The following RARB variants were observed in gnomAD, a reference collection of about 807,000 sequenced individuals.
The protein encoded by RARB is HBV-activated protein.
In RARB, 17 loss-of-function variants were observed where a neutral mutation model predicts 51.9. The ratio of observed to expected loss-of-function variants is 0.33; its 90% CI spans 0.22 to 0.49. The LOEUF is 0.49. Ranked by LOEUF, RARB falls within the 20% of genes least tolerant of loss-of-function variation. The pLI, the probability that RARB is intolerant of heterozygous loss-of-function variation, is 0.99. For missense variants in RARB, 369 were observed against 550.8 expected (o/e 0.67, Z 3.30); for synonymous variants, 215 against 195.4 (o/e 1.10, Z -0.84).
intron 3 of RARB, among the ~76,000 whole-genome samples, chr3:25,527,525 G>T (rs1048069565): frequency 1.3e-5 from 2 of 152,192 alleles, no homozygotes; most frequent in Non-Finnish European, 2.9e-5. Flanking sequence ...CAAATTGTCT[G>T]TGAACTGGAG....
chr3:25,194,308 A>C (rs1242326584), intron 5 of RARB, among the ~76,000 whole-genome samples: 1 of 151,822 alleles, frequency 6.6e-6, no homozygotes, highest in African/African-American at 2.4e-5. Flanking sequence ...CTAGAGAACT[A>C]ATGTACTGCA....
intron 7 of RARB, among the ~76,000 whole-genome samples, chr3:25,595,498 A>C (rs1701784946): frequency 6.6e-6 from 1 of 152,224 alleles, no homozygotes; most frequent in Non-Finnish European, 1.5e-5. Context: ...GAGTAGAAGT[A>C]AACAGCAGAT....
At chr3:25,355,904 A>G (rs936349238) in intron 5 of RARB, among the ~76,000 whole-genome samples, 13 of 152,258 alleles carry the variant, frequency 8.5e-5, no homozygotes, top group Admixed American at 3.3e-4. Context: ...ATGCGTCTAT[A>G]ATGAACTTAG....
intron 5 of RARB, among the ~76,000 whole-genome samples, chr3:25,258,214 A>G (rs1003260622): frequency 7.2e-5 from 11 of 152,078 alleles, no homozygotes; most frequent in African/African-American, 2.7e-4. Context: ...CCATGTTTCT[A>G]TGTGGCACTA....
chr3:25,471,869 G>C (rs1053607932), intron 2 of RARB, among the ~76,000 whole-genome samples: 2 of 152,132 alleles, frequency 1.3e-5, no homozygotes, highest in African/African-American at 4.8e-5. Flanking sequence ...CTCCTGGGTG[G>C]ATGCCTGTAA....
At chr3:24,939,957 T>C (rs1041500213) in intron 2 of RARB, among the ~76,000 whole-genome samples, 3 of 152,182 alleles carry the variant, frequency 2.0e-5, no homozygotes, top group African/African-American at 7.2e-5. Flanking sequence ...TAAGCAAACG[T>C]CACTCATTTT....
intron 2 of RARB, among the ~76,000 whole-genome samples, chr3:24,955,556 G>T (rs1270545157): frequency 6.6e-6 from 1 of 152,112 alleles, no homozygotes; most frequent in Non-Finnish European, 1.5e-5. Flanking sequence ...TTTCCCCTTT[G>T]TCCTCTGAGG....
intron 2 of RARB, among the ~76,000 whole-genome samples, chr3:24,981,317 G>T (rs888725654): frequency 7.2e-5 from 11 of 152,194 alleles, no homozygotes; most frequent in African/African-American, 2.7e-4. Context: ...GTCAGGCAGG[G>T]GGGCTTAAGT....
At position 24,839,918 on chromosome 3, in the gene RARB, A is replaced by G. The variant is rs376081394; in HGVS notation, c.-459+10515A>G. On this transcript the variant is annotated intron_variant, in intron 1 of 11. Transcript: ENST00000383772. Reference sequence around the variant, plus strand: ...ATCCTACAAATCGAGTTTAAGGTTCATAAGGTTTTAGAAAATGTCTCCAGC... The same window carrying G: ...ATCCTACAAATCGAGTTTAAGGTTCGTAAGGTTTTAGAAAATGTCTCCAGC... 1.8e-3 allele frequency among the ~76,000 whole-genome samples: 272 copies of G among 152,328 alleles called. 1 individual carries two copies. The highest frequency in any genetic ancestry group is 6.1e-3 in the African/African-American group (252 of 41,582).
intron 4 of RARB, among the ~76,000 whole-genome samples, chr3:25,150,190 G>A (rs995793462): frequency 3.9e-5 from 5 of 126,748 alleles, no homozygotes; most frequent in Non-Finnish European, 8.3e-5. Context: ...GACAGAGCAA[G>A]GCTCTGTCTC....
At position 25,007,509 on chromosome 3, in the gene RARB, C is replaced by G. The variant is rs1174241124; in HGVS notation, c.-379-52616C>G. Among the ~76,000 whole-genome samples, 4 of 147,522 alleles carry G rather than the reference C, an allele frequency of 2.7e-5. No individual in the cohort carries two copies. In the South Asian group the frequency reaches 6.4e-4, roughly 24 times the overall value. On this transcript the variant is annotated intron_variant, in intron 2 of 11. Transcript: ENST00000383772. ...GGGCATGGTGGTGGGCACCTGTAATCCCAGCTACCTGGGAGGCAGAGGTTG... is the reference window on the plus strand; with the variant it reads ...GGGCATGGTGGTGGGCACCTGTAATGCCAGCTACCTGGGAGGCAGAGGTTG...
At chr3:25,050,475 G>A (rs1575136528) in intron 2 of RARB, among the ~76,000 whole-genome samples, 1 of 152,096 alleles carries the variant, frequency 6.6e-6, no homozygotes, top group Non-Finnish European at 1.5e-5. Flanking sequence ...CACGAGTGAA[G>A]TGATTTGATT....
At chr3:25,319,861 A>G (rs1477026597) in intron 5 of RARB, among the ~76,000 whole-genome samples, 1 of 152,100 alleles carries the variant, frequency 6.6e-6, no homozygotes, top group Non-Finnish European at 1.5e-5. Context: ...ACTTCTTTTT[A>G]TTCTTTTGAA....
At chr3:25,007,583 A>G (rs1348272276) in intron 2 of RARB, among the ~76,000 whole-genome samples, 3 of 143,858 alleles carry the variant, frequency 2.1e-5, no homozygotes, top group Non-Finnish European at 4.6e-5. Flanking sequence ...CAACAGAGTG[A>G]GACTGTCTCA....
At chr3:24,944,039 G>A (rs1017127828) in intron 2 of RARB, among the ~76,000 whole-genome samples, 1 of 152,154 alleles carries the variant, frequency 6.6e-6, no homozygotes, top group Non-Finnish European at 1.5e-5. Context: ...ATATTGCCTT[G>A]TAATATATTA....
chr3:24,861,624 G>C lies in RARB; in HGVS notation c.-380+2872G>C, dbSNP rs1286729976. Among the ~76,000 whole-genome samples the C allele has an allele frequency of 2.0e-5, 3 of 147,180 alleles. No homozygotes were observed. In the South Asian group the frequency reaches 6.5e-4, roughly 32 times the overall value. ...AAAAAAAAAAAAAAAAACCTTTCCTGAAGCAAAAAAGTTAATGAGAAGCGT... is the reference window on the plus strand; with the variant it reads ...AAAAAAAAAAAAAAAAACCTTTCCTCAAGCAAAAAAGTTAATGAGAAGCGT... On this transcript the variant is annotated intron_variant, in intron 2 of 11. Transcript: ENST00000383772.
intron 5 of RARB, among the ~76,000 whole-genome samples, chr3:25,203,390 G>T (rs1027449323): frequency 2.0e-5 from 3 of 152,154 alleles, no homozygotes; most frequent in African/African-American, 7.2e-5. Context: ...TATCCAATTT[G>T]CCAGTCTGTG....
At chr3:25,161,815 A>C (rs1700476710) in intron 4 of RARB, among the ~76,000 whole-genome samples, 1 of 152,230 alleles carries the variant, frequency 6.6e-6, no homozygotes, top group Non-Finnish European at 1.5e-5. Context: ...CCTGAAGATG[A>C]ATAGGGGAAG....
intron 5 of RARB, among the ~76,000 whole-genome samples, chr3:25,308,797 G>A (rs1046414007): frequency 8.6e-5 from 13 of 151,906 alleles, no homozygotes; most frequent in African/African-American, 3.1e-4. Context: ...TACTTTTTTT[G>A]TTCCTCTTGT....
Sources: allele counts gnomAD v4.1 joint callset (sites outside exome capture counted in the v4.1 genomes callset), GRCh38; gene constraint gnomAD v4.1.1; transcripts MANE v1.5; gene names NCBI Gene and HGNC (gene_info 2026-07-23, HGNC 2026-07-21).